The following NECAB1 variants were observed in gnomAD, a reference collection of about 807,000 sequenced individuals.
NECAB1 encodes the protein N-terminal EF-hand calcium binding protein 1.
In NECAB1, 29 loss-of-function variants were observed where a neutral mutation model predicts 57.5. That is an observed-to-expected ratio of 0.50 (90% confidence interval 0.38 to 0.69). NECAB1 has a LOEUF of 0.69. Among genes scored for constraint, NECAB1 ranks in the 30% least tolerant of loss-of-function variants. The probability of loss-of-function intolerance (pLI) is 0.00; values close to 1 mark genes in which losing one functional copy is unlikely to be tolerated. For missense variants in NECAB1, 372 were observed against 413.8 expected, an observed-to-expected ratio of 0.90 and a Z score of 0.88; for synonymous variants, 142 against 147.7, an observed-to-expected ratio of 0.96 and a Z score of 0.28.
At chr8:90,940,994 A>C in intron 10 of NECAB1, 96 bp downstream of exon 10, 2 of 853,954 alleles carry the variant, frequency 2.3e-6, no homozygotes, top group Admixed American at 4.3e-5. Flanking sequence ...TCTAGAAGAC[A>C]GATATTTGAG....
chr8:90,841,830 G>A (rs1812461536), intron 3 of NECAB1, among the ~76,000 whole-genome samples: 1 of 152,202 alleles, frequency 6.6e-6, no homozygotes, highest in Admixed American at 6.5e-5. Context: ...GCATGAGGAG[G>A]CATCTCAGGC....
rs373238318 is a variant in NECAB1 at position 90,909,171 on chromosome 8, T to A, written c.358-8321T>A. Among the ~76,000 whole-genome samples, 7 of 152,210 alleles carry A rather than the reference T, an allele frequency of 4.6e-5. No individual in the cohort carries two copies. In the East Asian group the frequency reaches 5.8e-4, roughly 13 times the overall value. On this transcript the variant is annotated intron_variant, in intron 5 of 12. Coordinates refer to ENST00000417640, the MANE Select transcript of NECAB1 (RefSeq NM_022351.5). Reference sequence around the variant, plus strand: ...TCCTGTCAAGGATCACATCTTTTAGTTGTTTTTATTTTTGAGGTTGGCAGC... The same window carrying A: ...TCCTGTCAAGGATCACATCTTTTAGATGTTTTTATTTTTGAGGTTGGCAGC...
intron 5 of NECAB1, among the ~76,000 whole-genome samples, chr8:90,905,542 GA>G (rs1254733452): frequency 6.6e-6 from 1 of 151,944 alleles, no homozygotes; most frequent in African/African-American, 2.4e-5. Context: ...AGAAAGGAGA[GA>G]AAGAAAAAAA....
intron 12 of NECAB1, among the ~76,000 whole-genome samples, chr8:90,954,668 T>G (rs1050913521): frequency 6.6e-6 from 1 of 151,838 alleles, no homozygotes; most frequent in Non-Finnish European, 1.5e-5. Context: ...ATTTATAATT[T>G]TAACATACAG....
rs1265479394 is a variant in NECAB1, at chr8:90,890,469, T to C, written c.357+9339T>C. ...TGACTTAATCTTGGGTATTTCTTCA[T>C]AGCAATGTGAGAACAGACTAATACA... On this transcript the variant is annotated intron_variant, in intron 5 of 12. Transcript: ENST00000417640. Among the ~76,000 whole-genome samples the C allele has an allele frequency of 2.6e-5, 4 of 152,278 alleles. No homozygotes were observed. The East Asian group carries it at 5.8e-4, about 22-fold the overall frequency.
chr8:90,926,310 A>G (rs1262410952), intron 7 of NECAB1, among the ~76,000 whole-genome samples: 1 of 152,236 alleles, frequency 6.6e-6, no homozygotes, highest in African/African-American at 2.4e-5. Flanking sequence ...TATTCAGAAA[A>G]TCAAGGTATA....
chr8:90,872,921 G>C (rs1808645357), intron 4 of NECAB1, among the ~76,000 whole-genome samples: 1 of 152,104 alleles, frequency 6.6e-6, no homozygotes, highest in South Asian at 2.1e-4. Flanking sequence ...TTTTGTCTGA[G>C]AACTCCTCAT....
chr8:90,834,300 A>G (rs907252259), intron 3 of NECAB1, among the ~76,000 whole-genome samples: 16 of 151,904 alleles, frequency 1.1e-4, no homozygotes, highest in African/African-American at 3.9e-4. Context: ...TATTTCCCCC[A>G]CTGCTATGGT....
chr8:90,865,402 C>A (rs1458205321), intron 3 of NECAB1, among the ~76,000 whole-genome samples: 1 of 152,032 alleles, frequency 6.6e-6, no homozygotes, highest in Admixed American at 6.6e-5. Context: ...ATCACTATAC[C>A]CTCTGTAAGA....
intron 5 of NECAB1, among the ~76,000 whole-genome samples, chr8:90,895,089 G>C (rs887257997): frequency 6.6e-6 from 1 of 152,056 alleles, no homozygotes; most frequent in Non-Finnish European, 1.5e-5. Flanking sequence ...AGACACATAT[G>C]ATTGCATAGA....
At chr8:90,928,783 G>C (rs748071076) in intron 8 of NECAB1, among the ~76,000 whole-genome samples, 6 of 152,156 alleles carry the variant, frequency 3.9e-5, no homozygotes, top group Admixed American at 3.9e-4. Context: ...CACATTAACC[G>C]ATGGTTTGCT....
In NECAB1 at chr8:90,850,234, C is replaced by A. The variant is rs144760808; in HGVS notation, c.234-21894C>A. 1.8e-4 allele frequency among the ~76,000 whole-genome samples: 28 copies of A among 152,106 alleles called. No individual in the cohort carries two copies. In the East Asian group the frequency reaches 5.4e-3, roughly 29 times the overall value. ...ACAATTACTTGTTTAATTTTAAGGCCCATTTTCATAAATGAAATGATTTAA... is the reference window on the plus strand; with the variant it reads ...ACAATTACTTGTTTAATTTTAAGGCACATTTTCATAAATGAAATGATTTAA... On this transcript the variant is annotated intron_variant, in intron 3 of 12. Coordinates refer to ENST00000417640, the MANE Select transcript of NECAB1 (RefSeq NM_022351.5).
At chr8:90,875,741 G>A (rs1490494270) in intron 4 of NECAB1, among the ~76,000 whole-genome samples, 4 of 151,354 alleles carry the variant, frequency 2.6e-5, no homozygotes, top group East Asian at 3.9e-4. Flanking sequence ...GGCCGGGCGC[G>A]GTGGCTCACG....
chr8:90,861,600 A>C (rs1390933048), intron 3 of NECAB1, among the ~76,000 whole-genome samples: 4 of 152,170 alleles, frequency 2.6e-5, no homozygotes, highest in African/African-American at 9.7e-5. Context: ...GCTGAAGCAT[A>C]ATTATCTAAG....
intron 10 of NECAB1, among the ~76,000 whole-genome samples, chr8:90,943,924 A>T (rs1170932982): frequency 6.6e-6 from 1 of 151,902 alleles, no homozygotes; most frequent in African/African-American, 2.4e-5. Context: ...GCTACTTTTT[A>T]AAAATTTTTT....
At chr8:90,948,464 C>T (rs999801773) in intron 10 of NECAB1, among the ~76,000 whole-genome samples, 2 of 152,104 alleles carry the variant, frequency 1.3e-5, no homozygotes, top group East Asian at 3.8e-4. Context: ...TTACTGCCAC[C>T]TGCTGGTCAC....
chr8:90,949,928 G>C (rs1480347392), intron 11 of NECAB1, 44 bp downstream of exon 11: 2 of 1,178,366 alleles, frequency 1.7e-6, no homozygotes, highest in Non-Finnish European at 2.5e-6. Flanking sequence ...CCAGGAAGGT[G>C]GCAATATGCA....
At chr8:90,955,465 G>T (rs1811014520) in intron 12 of NECAB1, 22 bp from the exon 13 acceptor site, 3 of 1,530,686 alleles carry the variant, frequency 2.0e-6, no homozygotes, top group Non-Finnish European at 2.7e-6. Flanking sequence ...CATTATTTTA[G>T]AAAACATTTT....
intron 3 of NECAB1, among the ~76,000 whole-genome samples, chr8:90,864,525 C>T (rs1368151152): frequency 1.3e-5 from 2 of 152,032 alleles, no homozygotes; most frequent in African/African-American, 2.4e-5. Flanking sequence ...CAGCCTCTTT[C>T]CAGCCTCAGG....
Sources: gnomAD v4.1 joint callset for allele counts (sites outside exome capture counted in the v4.1 genomes callset) on GRCh38, gnomAD v4.1.1 for gene constraint, MANE v1.5 for transcripts, NCBI Gene and HGNC (gene_info 2026-07-23, HGNC 2026-07-21) for gene names.